Variants in DMD observed in about 807,000 individuals in gnomAD.
DMD encodes the protein dystrophin.
Under a neutral mutation model 330.1 loss-of-function variants are expected in DMD, and 63 were observed. The observed-to-expected ratio is 0.19, with a 90% confidence interval of 0.16 to 0.24. DMD has a LOEUF of 0.24. Among genes scored for constraint, DMD ranks in the 10% least tolerant of loss-of-function variants. The pLI is 1.00. For synonymous variants in DMD, 1,223 were observed against 959.8 expected, an observed-to-expected ratio of 1.27 and a Z score of -5.07; for missense variants, 3,344 against 2,684.1, an observed-to-expected ratio of 1.25 and a Z score of -5.43.
At chrX:32,666,958 G>T (rs2061342496) in intron 9 of DMD, among the ~76,000 whole-genome samples, 1 of 111,137 alleles carries the variant, frequency 9.0e-6, no homozygotes, top group Admixed American at 9.6e-5. Flanking sequence ...ACCTTGTAAA[G>T]ATATCCGGGC....
chrX:33,023,285 A>G (rs780091004), intron 1 of DMD, among the ~76,000 whole-genome samples: 234 of 112,009 alleles, frequency 2.1e-3, no homozygotes, highest in African/African-American at 6.9e-3. Context: ...CTAAATCACA[A>G]TAAACATGCT....
At chrX:31,821,869 T>C (rs1422285378) in intron 49 of DMD, among the ~76,000 whole-genome samples, 2 of 111,898 alleles carry the variant, frequency 1.8e-5, no homozygotes, top group African/African-American at 6.5e-5. Context: ...AGAATCAGAG[T>C]TGGAAAAGAG....
intron 17 of DMD, among the ~76,000 whole-genome samples, chrX:32,521,764 A>G (rs1358606592): frequency 2.7e-5 from 3 of 111,858 alleles, no homozygotes; most frequent in African/African-American, 9.8e-5. Flanking sequence ...CATCCCTCAT[A>G]TTTGTTATCT....
At chrX:33,339,293 A>C (rs762178257) in exon 1 of DMD, 1 of 1,027,042 alleles carries the variant, frequency 9.7e-7, no homozygotes, top group Admixed American at 2.5e-5. Context: ...TCACTCCATC[A>C]TGCCAATAAG....
chrX:32,335,060 G>A (rs1301704052), intron 41 of DMD, among the ~76,000 whole-genome samples: 1 of 110,992 alleles, frequency 9.0e-6, no homozygotes, highest in Non-Finnish European at 1.9e-5. Context: ...ATACTTGAGA[G>A]GGTCATTACT....
chrX:31,608,194 T>G (rs2077705943), intron 55 of DMD, among the ~76,000 whole-genome samples: 1 of 111,957 alleles, frequency 8.9e-6, no homozygotes, highest in Non-Finnish European at 1.9e-5. Context: ...CAAACCCAAG[T>G]ATCAGTTCAG....
At chrX:32,065,292 A>ACAT in intron 44 of DMD, among the ~76,000 whole-genome samples, 1 of 111,297 alleles carries the variant, frequency 9.0e-6, no homozygotes. Flanking sequence ...TGCTATGTGA[A>ACAT]CATATATAAT....
intron 5 of DMD, among the ~76,000 whole-genome samples, chrX:32,822,424 G>GTA (rs1022951731): frequency 1.3e-4 from 14 of 109,350 alleles, no homozygotes; most frequent in Admixed American, 2.9e-4. Context: ...TTACTATTAC[G>GTA]TATATATATA....
At chrX:32,395,489 T>C (rs7049940) in intron 30 of DMD, among the ~76,000 whole-genome samples, 18,211 of 110,298 alleles carry the variant, frequency 0.17, 1,435 homozygotes, top group African/African-American at 0.31. Context: ...AGTTAATGGG[T>C]GCAGCACACC....
chrX:32,786,086 A>AGTGTGTGT (rs368269067), intron 7 of DMD, among the ~76,000 whole-genome samples: 2,536 of 96,489 alleles, frequency 0.026, 85 homozygotes, highest in African/African-American at 0.086. Context: ...GAGGAATAAG[A>AGTGTGTGT]GTGTGTGTGT....
chrX:32,152,376 A>G (rs1038428387), intron 44 of DMD, among the ~76,000 whole-genome samples: 1 of 111,715 alleles, frequency 9.0e-6, no homozygotes, highest in Non-Finnish European at 1.9e-5. Context: ...TCTTCTTTAT[A>G]TGAATATACT....
At position 31,121,990 on chromosome X, in the gene DMD, T is replaced by A. The variant is rs138203675; in HGVS notation, c.11047-60A>T. On this transcript the variant is annotated intron_variant, in intron 78 of 78. Transcript: ENST00000357033. ...AAAAGGTGCAGATAGATAGCATCACTCTGTTTCTTTGCCATTTGGGAAATC... is the reference window on the plus strand; with the variant it reads ...AAAAGGTGCAGATAGATAGCATCACACTGTTTCTTTGCCATTTGGGAAATC... The A allele has an allele frequency of 5.1e-4, 460 of 893,713 alleles. 3 individuals carry two copies. The East Asian group carries it at 0.014, about 28-fold the overall frequency. 73.7% of individuals were successfully genotyped at this position (893,713 alleles called of 1,213,427 possible).
At chrX:32,271,291 G>T (rs776247491) in intron 43 of DMD, among the ~76,000 whole-genome samples, 2 of 112,163 alleles carry the variant, frequency 1.8e-5, no homozygotes, top group Non-Finnish European at 3.8e-5. Flanking sequence ...TTACTCAAAG[G>T]CTAAGAATTT....
intron 41 of DMD, among the ~76,000 whole-genome samples, chrX:32,329,012 G>T (rs539392994): frequency 1.8e-5 from 2 of 111,359 alleles, no homozygotes; most frequent in South Asian, 7.5e-4. Context: ...ATTTCCACAG[G>T]AAGATGTTAT....
rs149477737 is a variant in DMD, at chrX:32,324,634, C to T, written c.5923-14358G>A. 1.4e-3 allele frequency among the ~76,000 whole-genome samples: 160 copies of T among 111,435 alleles called. 1 individual carries two copies. Among genetic ancestry groups the T allele is most frequent in the Middle Eastern group, 4.7e-3 (1 of 213 alleles). On this transcript the variant is annotated intron_variant, in intron 41 of 78. Coordinates refer to ENST00000357033, the MANE Select transcript of DMD (RefSeq NM_004006.3). The stretch of plus-strand genomic sequence containing the variant: ...TTGCTATGCCCCAAACAATTGGGTG[C>T]ATTCTACATAAGGTAAAAATTACTA...
At chrX:32,158,451 A>T (rs2096838005) in intron 44 of DMD, among the ~76,000 whole-genome samples, 1 of 111,948 alleles carries the variant, frequency 8.9e-6, no homozygotes, top group Non-Finnish European at 1.9e-5. Flanking sequence ...AAAAAAGCAG[A>T]GTTTAATTCA....
chrX:31,865,256 C>T (rs962802408), intron 48 of DMD, among the ~76,000 whole-genome samples: 2 of 111,823 alleles, frequency 1.8e-5, no homozygotes, highest in African/African-American at 3.3e-5. Context: ...CCAGAGGCAA[C>T]CTAAACTCAG....
intron 7 of DMD, among the ~76,000 whole-genome samples, chrX:32,749,169 A>G (rs1252648509): frequency 8.9e-6 from 1 of 112,282 alleles, no homozygotes; most frequent in East Asian, 2.8e-4. Context: ...TGATTGAATC[A>G]CTATAATATC....
intron 4 of DMD, among the ~76,000 whole-genome samples, chrX:32,827,081 ACAGCAGCAGC>A (rs1468491978): frequency 3.3e-5 from 3 of 91,767 alleles, no homozygotes; most frequent in Non-Finnish European, 6.3e-5. Flanking sequence ...ACACACACAC[ACAGCAGCAGC>A]CACAGATAAT....
Sources: allele counts gnomAD v4.1 joint callset (sites outside exome capture counted in the v4.1 genomes callset), GRCh38; gene constraint gnomAD v4.1.1; transcripts MANE v1.5; gene names NCBI Gene and HGNC (gene_info 2026-07-23, HGNC 2026-07-21).